Variants in CSMD3 observed in about 807,000 individuals in gnomAD.
The protein encoded by CSMD3 is CUB and Sushi multiple domains 3.
A neutral mutation model predicts 435.2 loss-of-function variants in CSMD3; 177 were observed. The ratio of observed to expected loss-of-function variants is 0.41; its 90% CI spans 0.36 to 0.46. The LOEUF is 0.46. CSMD3 is among the 20% of genes least tolerant of loss of function. CSMD3 has a pLI of 0.34. For missense variants in CSMD3, 4,265 were observed against 4,504.6 expected (o/e 0.95, Z 1.52); for synonymous variants, 1,656 against 1,520.5 (o/e 1.09, Z -2.07).
chr8:113,308,930 G>A (rs974405720), intron 2 of CSMD3, among the ~76,000 whole-genome samples: 1 of 151,950 alleles, frequency 6.6e-6, no homozygotes, highest in Non-Finnish European at 1.5e-5. Context: ...TACGGCAGAT[G>A]TTTTTTGTTT....
chr8:112,839,923 C>A (rs1269446236), intron 11 of CSMD3, among the ~76,000 whole-genome samples: 1 of 151,614 alleles, frequency 6.6e-6, no homozygotes, highest in Non-Finnish European at 1.5e-5. Flanking sequence ...CTTAAGACAC[C>A]AAAAGACAGG....
At chr8:112,500,934 C>CGCACACTA (rs1245109346) in intron 30 of CSMD3, among the ~76,000 whole-genome samples, 2 of 152,094 alleles carry the variant, frequency 1.3e-5, no homozygotes, top group African/African-American at 2.4e-5. Flanking sequence ...CAGCCTTCCC[C>CGCACACTA]GCACACTATG....
At chr8:112,245,037 A>G (rs1447207082) in intron 64 of CSMD3, among the ~76,000 whole-genome samples, 2 of 151,958 alleles carry the variant, frequency 1.3e-5, no homozygotes, top group Admixed American at 6.6e-5. Flanking sequence ...TTTAAATTAA[A>G]AATCTATTTT....
At chr8:113,019,585 G>C (rs1293622952) in intron 5 of CSMD3, among the ~76,000 whole-genome samples, 2 of 148,410 alleles carry the variant, frequency 1.3e-5, no homozygotes, top group South Asian at 2.1e-4. Flanking sequence ...TATTCTTATT[G>C]TTAATAATAA....
chr8:112,293,793 G>T (rs1281284698), intron 54 of CSMD3, among the ~76,000 whole-genome samples: 3 of 152,004 alleles, frequency 2.0e-5, no homozygotes, highest in Non-Finnish European at 2.9e-5. Flanking sequence ...CACAGGAAAC[G>T]ACCACAGTCA....
chr8:112,949,697 A>C (rs1213771245), intron 8 of CSMD3, among the ~76,000 whole-genome samples: 1 of 152,090 alleles, frequency 6.6e-6, no homozygotes, highest in Non-Finnish European at 1.5e-5. Context: ...TGAATACCAG[A>C]GGAGGACTAA....
chr8:112,457,437 A>G (rs1816951050), intron 32 of CSMD3, among the ~76,000 whole-genome samples: 1 of 152,138 alleles, frequency 6.6e-6, no homozygotes, highest in Non-Finnish European at 1.5e-5. Context: ...CTAGAATCCT[A>G]CAGCATGCTC....
chr8:113,091,629 C>T (rs76705425), intron 5 of CSMD3, among the ~76,000 whole-genome samples: 314 of 151,840 alleles, frequency 2.1e-3, no homozygotes, highest in East Asian at 0.012. Context: ...TCTTTTTCAT[C>T]TCTGATTTTA....
intron 46 of CSMD3, among the ~76,000 whole-genome samples, chr8:112,319,291 G>C (rs1398844934): frequency 1.3e-5 from 2 of 152,014 alleles, no homozygotes; most frequent in African/African-American, 4.8e-5. Flanking sequence ...ATTTATTGAA[G>C]TTACATCGGT....
At chr8:113,245,032 T>C (rs1307091157) in intron 3 of CSMD3, among the ~76,000 whole-genome samples, 1 of 152,158 alleles carries the variant, frequency 6.6e-6, no homozygotes, top group African/African-American at 2.4e-5. Flanking sequence ...TTAGAAAATG[T>C]CCCTCTTTGA....
At chr8:112,550,925 A>G (rs758466204) in intron 26 of CSMD3, 52 bp from the exon 27 acceptor site, 5 of 1,348,458 alleles carry the variant, frequency 3.7e-6, no homozygotes, top group Non-Finnish European at 5.3e-6. Flanking sequence ...TTCAACTTTA[A>G]AGAAAAAATA....
intron 3 of CSMD3, among the ~76,000 whole-genome samples, chr8:113,225,662 C>T (rs1040088334): frequency 6.6e-6 from 1 of 151,446 alleles, no homozygotes; most frequent in Non-Finnish European, 1.5e-5. Context: ...TCTTTGAGCG[C>T]ACTCTGCCAA....
chr8:112,379,213 T>TA (rs1246077905), intron 38 of CSMD3, among the ~76,000 whole-genome samples: 3 of 152,228 alleles, frequency 2.0e-5, no homozygotes, highest in Admixed American at 1.3e-4. Flanking sequence ...CTCACGCCTG[T>TA]AATCCCAAAA....
intron 5 of CSMD3, among the ~76,000 whole-genome samples, chr8:113,024,069 T>C (rs1214381574): frequency 6.6e-6 from 1 of 152,170 alleles, no homozygotes; most frequent in Non-Finnish European, 1.5e-5. Flanking sequence ...ACCTCTCCTA[T>C]CAACTCACCA....
rs189215253 is a variant in CSMD3, at chr8:112,452,978, C to T, written c.5395+19613G>A. On this transcript the variant is annotated intron_variant, in intron 32 of 70. Coordinates refer to ENST00000297405, the MANE Select transcript of CSMD3 (RefSeq NM_198123.2). Reference sequence around the variant, plus strand: ...CAAATACTGGTTAAAATTAATTGAGCGTTTTGCAAATGGCGTGTACTGTGC... The same window carrying T: ...CAAATACTGGTTAAAATTAATTGAGTGTTTTGCAAATGGCGTGTACTGTGC... Among the ~76,000 whole-genome samples, 111 of 152,216 alleles carry T rather than the reference C, an allele frequency of 7.3e-4. 1 individual carries two copies. The highest frequency in any genetic ancestry group is 2.5e-3 in the African/African-American group (105 of 41,550).
At chr8:113,016,194 C>T (rs960398585) in intron 6 of CSMD3, among the ~76,000 whole-genome samples, 4 of 151,694 alleles carry the variant, frequency 2.6e-5, no homozygotes, top group African/African-American at 9.7e-5. Flanking sequence ...ATATTCAATA[C>T]AGGAGCTCAG....
chr8:112,374,890 G>A (rs1002136556), intron 38 of CSMD3, among the ~76,000 whole-genome samples: 1 of 152,088 alleles, frequency 6.6e-6, no homozygotes, highest in Non-Finnish European at 1.5e-5. Context: ...GATAGCTAAC[G>A]ACTCTTAAGA....
intron 6 of CSMD3, among the ~76,000 whole-genome samples, chr8:112,980,449 G>A (rs2085009193): frequency 1.3e-5 from 2 of 151,012 alleles, no homozygotes; most frequent in Admixed American, 6.6e-5. Context: ...TAATAATTTT[G>A]TGACATTGTG....
At chr8:112,446,830 G>T (rs186323036) in intron 32 of CSMD3, among the ~76,000 whole-genome samples, 3 of 152,200 alleles carry the variant, frequency 2.0e-5, no homozygotes, top group African/African-American at 7.2e-5. Flanking sequence ...GCAATGGGCC[G>T]GGTTTCAGTT....
Sources: allele counts gnomAD v4.1 joint callset (sites outside exome capture counted in the v4.1 genomes callset), GRCh38; gene constraint gnomAD v4.1.1; transcripts MANE v1.5; gene names NCBI Gene and HGNC (gene_info 2026-07-23, HGNC 2026-07-21).